The following SGCZ variants were observed in gnomAD, a reference collection of about 807,000 sequenced individuals.
SGCZ encodes the protein sarcoglycan zeta.
SGCZ carries 40 observed loss-of-function variants against 41.3 expected under a neutral mutation model. That is an observed-to-expected ratio of 0.97 (90% CI 0.75 to 1.26). The LOEUF (loss-of-function observed/expected upper bound fraction) is 1.26, where lower values mean the gene tolerates loss of function less well. Ranked by LOEUF, SGCZ falls within the 50% of genes most tolerant of loss-of-function variation. SGCZ has a pLI of 0.00. For synonymous variants in SGCZ, 206 were observed against 137.5 expected (o/e 1.50, Z -3.49); for missense variants, 552 against 369.8 (o/e 1.49, Z -4.04).
intron 2 of SGCZ, among the ~76,000 whole-genome samples, chr8:14,543,514 C>A (rs922392645): frequency 2.6e-5 from 4 of 152,092 alleles, no homozygotes; most frequent in East Asian, 1.9e-4. Flanking sequence ...CCACAAGTCA[C>A]AAGGGCACAA....
chr8:15,214,385 C>T (rs1801333063), intron 1 of SGCZ, among the ~76,000 whole-genome samples: 1 of 151,906 alleles, frequency 6.6e-6, no homozygotes, highest in Admixed American at 6.6e-5. Flanking sequence ...TTCTAAAATC[C>T]CAACACTGCT....
At chr8:14,915,425 A>C (rs2130783012) in intron 1 of SGCZ, among the ~76,000 whole-genome samples, 1 of 152,280 alleles carries the variant, frequency 6.6e-6, no homozygotes, top group East Asian at 1.9e-4. Flanking sequence ...GTTTCCTAAC[A>C]ATGAGCAGCT....
At chr8:14,515,450 G>T (rs773093640) in intron 2 of SGCZ, among the ~76,000 whole-genome samples, 3 of 151,988 alleles carry the variant, frequency 2.0e-5, no homozygotes, top group Non-Finnish European at 2.9e-5. Context: ...ATGTATCTTG[G>T]TTTCTAACAT....
chr8:14,589,973 T>TGAAGC (rs1343190326), intron 1 of SGCZ, among the ~76,000 whole-genome samples: 6 of 152,284 alleles, frequency 3.9e-5, no homozygotes, highest in Non-Finnish European at 7.4e-5. Context: ...TTGATGATTA[T>TGAAGC]GAAGCCAACT....
At chr8:14,791,219 A>C (rs1800940905) in intron 1 of SGCZ, among the ~76,000 whole-genome samples, 1 of 152,062 alleles carries the variant, frequency 6.6e-6, no homozygotes, top group Non-Finnish European at 1.5e-5. Context: ...CTCTAATACC[A>C]CATCCTTTAA....
At chr8:14,417,635 A>G (rs1318057122) in intron 2 of SGCZ, among the ~76,000 whole-genome samples, 1 of 151,888 alleles carries the variant, frequency 6.6e-6, no homozygotes, top group African/African-American at 2.4e-5. Flanking sequence ...GAATAAACAT[A>G]AAAATAACGA....
chr8:14,512,343 A>T, intron 2 of SGCZ, among the ~76,000 whole-genome samples: 1 of 152,190 alleles, frequency 6.6e-6, no homozygotes, highest in East Asian at 1.9e-4. Flanking sequence ...TCTCCAGCTT[A>T]TCATAAATTC....
intron 1 of SGCZ, among the ~76,000 whole-genome samples, chr8:14,973,906 A>C (rs575393165): frequency 6.6e-6 from 1 of 152,290 alleles, no homozygotes; most frequent in South Asian, 2.1e-4. Flanking sequence ...TTTTATGTAC[A>C]TGACATAAGA....
chr8:14,306,696 AT>A (rs1331849492), intron 3 of SGCZ, among the ~76,000 whole-genome samples: 1 of 152,052 alleles, frequency 6.6e-6, no homozygotes, highest in African/African-American at 2.4e-5. Context: ...AGAAGAAAAA[AT>A]AAGTGTCATT....
intron 1 of SGCZ, among the ~76,000 whole-genome samples, chr8:14,893,922 G>C (rs1010590728): frequency 6.6e-6 from 1 of 152,134 alleles, no homozygotes; most frequent in Non-Finnish European, 1.5e-5. Context: ...TTTATTATTA[G>C]AGCATATGAC....
chr8:14,758,992 G>C (rs1231300474), intron 1 of SGCZ, among the ~76,000 whole-genome samples: 1 of 145,282 alleles, frequency 6.9e-6, no homozygotes, highest in African/African-American at 2.6e-5. Flanking sequence ...TGGGCAACAG[G>C]AGTGAAACTC....
intron 1 of SGCZ, among the ~76,000 whole-genome samples, chr8:14,712,061 G>A (rs181606100): frequency 2.6e-5 from 4 of 152,268 alleles, no homozygotes; most frequent in African/African-American, 7.2e-5. Context: ...CTGAGGTCAG[G>A]AGTTCAAGAC....
chr8:14,633,873 G>C (rs1282514970), intron 1 of SGCZ, among the ~76,000 whole-genome samples: 1 of 151,720 alleles, frequency 6.6e-6, no homozygotes, highest in Non-Finnish European at 1.5e-5. Flanking sequence ...GCTGTGTTTT[G>C]TGCTGATTTT....
chr8:14,742,967 T>C (rs577765707), intron 1 of SGCZ, among the ~76,000 whole-genome samples: 180 of 152,264 alleles, frequency 1.2e-3, no homozygotes, highest in Admixed American at 2.1e-3. Context: ...CTGCGTTTGC[T>C]ACAATGTTTG....
chr8:15,050,616 A>G (rs2130992645), intron 1 of SGCZ, among the ~76,000 whole-genome samples: 1 of 152,246 alleles, frequency 6.6e-6, no homozygotes, highest in Non-Finnish European at 1.5e-5. Context: ...CAGAGGAGTG[A>G]TATTGAGAGT....
intron 1 of SGCZ, among the ~76,000 whole-genome samples, chr8:14,794,996 G>T (rs1291319415): frequency 6.6e-6 from 1 of 152,118 alleles, no homozygotes; most frequent in Non-Finnish European, 1.5e-5. Flanking sequence ...AACTTTTCCG[G>T]TATCTCTTCA....
chr8:15,162,633 C>G (rs1157957941), intron 1 of SGCZ, among the ~76,000 whole-genome samples: 1 of 152,186 alleles, frequency 6.6e-6, no homozygotes, highest in Non-Finnish European at 1.5e-5. Flanking sequence ...CTGTGTTTCA[C>G]TTTTCATAAG....
chr8:14,901,372 C>G (rs142604940), intron 1 of SGCZ, among the ~76,000 whole-genome samples: 208 of 152,238 alleles, frequency 1.4e-3, no homozygotes, highest in African/African-American at 4.8e-3. Flanking sequence ...TCACCACACA[C>G]AAGGTCATTG....
intron 1 of SGCZ, among the ~76,000 whole-genome samples, chr8:14,869,349 C>T (rs1247035109): frequency 6.6e-6 from 1 of 152,154 alleles, no homozygotes; most frequent in East Asian, 1.9e-4. Flanking sequence ...ACATGATTAT[C>T]TCAATAGATG....
Sources: gnomAD v4.1 joint callset for allele counts (sites outside exome capture counted in the v4.1 genomes callset) on GRCh38, gnomAD v4.1.1 for gene constraint, MANE v1.5 for transcripts, NCBI Gene and HGNC (gene_info 2026-07-23, HGNC 2026-07-21) for gene names.